Variants in IGSF11 observed in about 807,000 individuals in gnomAD.
IGSF11 encodes the protein immunoglobulin superfamily member 11.
A neutral mutation model predicts 41.0 loss-of-function variants in IGSF11; 22 were observed. The ratio of observed to expected loss-of-function variants is 0.54; its 90% CI spans 0.38 to 0.77. IGSF11 has a LOEUF of 0.77. Ranked by LOEUF, IGSF11 falls within the 30% of genes least tolerant of loss-of-function variation. IGSF11 has a pLI of 0.00. For missense variants in IGSF11, 444 were observed against 530.8 expected, an observed-to-expected ratio of 0.84 and a Z score of 1.61; for synonymous variants, 219 against 201.3, an observed-to-expected ratio of 1.09 and a Z score of -0.74.
At chr3:118,917,972 T>C (rs1223893181) in intron 4 of IGSF11, among the ~76,000 whole-genome samples, 66 of 133,890 alleles carry the variant, frequency 4.9e-4, no homozygotes, top group African/African-American at 2.0e-3. Context: ...TCAATAAATG[T>C]AATCCAGCAT....
intron 1 of IGSF11, among the ~76,000 whole-genome samples, chr3:119,117,229 A>G (rs750847562): frequency 2.6e-5 from 4 of 151,986 alleles, no homozygotes; most frequent in Admixed American, 2.0e-4. Context: ...TCTTGGTAAG[A>G]TGGGGGAGGG....
At chr3:119,011,357 G>T (rs778770540) in intron 1 of IGSF11, among the ~76,000 whole-genome samples, 1 of 152,298 alleles carries the variant, frequency 6.6e-6, no homozygotes, top group Middle Eastern at 3.4e-3. Flanking sequence ...GAGAGACCAA[G>T]AGAAGGAGAA....
intron 1 of IGSF11, among the ~76,000 whole-genome samples, chr3:119,045,437 G>T (rs11929539): frequency 6.6e-6 from 1 of 152,202 alleles, no homozygotes; most frequent in African/African-American, 2.4e-5. Context: ...CTTTTGCGAC[G>T]GGCTTAAAAA....
intron 1 of IGSF11, among the ~76,000 whole-genome samples, chr3:119,143,559 C>T (rs1000083181): frequency 5.9e-5 from 9 of 151,972 alleles, no homozygotes; most frequent in African/African-American, 2.2e-4. Context: ...AATGGAAGAA[C>T]TGAGGAACAG....
chr3:119,084,938 G>C (rs1254912264), intron 1 of IGSF11, among the ~76,000 whole-genome samples: 1 of 152,202 alleles, frequency 6.6e-6, no homozygotes, highest in Non-Finnish European at 1.5e-5. Context: ...AGCTGAGAGG[G>C]CTGAGTCACA....
intron 1 of IGSF11, among the ~76,000 whole-genome samples, chr3:119,024,999 A>T (rs1017875977): frequency 6.6e-6 from 1 of 152,226 alleles, no homozygotes; most frequent in African/African-American, 2.4e-5. Context: ...CAAAGTAAGT[A>T]GCAATCAATT....
intron 1 of IGSF11, among the ~76,000 whole-genome samples, chr3:119,000,997 A>G (rs1038581032): frequency 2.6e-5 from 4 of 152,110 alleles, no homozygotes; most frequent in Non-Finnish European, 5.9e-5. Flanking sequence ...TTCCTTGCCT[A>G]TTCTGACTGT....
chr3:119,089,679 G>A (rs971194661), intron 1 of IGSF11, among the ~76,000 whole-genome samples: 1 of 152,110 alleles, frequency 6.6e-6, no homozygotes, highest in African/African-American at 2.4e-5. Flanking sequence ...GGAAAACACT[G>A]AAGACTACCA....
At chr3:118,988,192 A>C (rs1310900581) in intron 1 of IGSF11, among the ~76,000 whole-genome samples, 1 of 152,222 alleles carries the variant, frequency 6.6e-6, no homozygotes, top group Non-Finnish European at 1.5e-5. Context: ...AAGCAAAGAG[A>C]ATGTCAATAT....
chr3:119,079,360 C>CAA (rs1386597758), intron 1 of IGSF11, among the ~76,000 whole-genome samples: 19 of 133,372 alleles, frequency 1.4e-4, no homozygotes, highest in African/African-American at 5.2e-4. Flanking sequence ...AACTCCGTCT[C>CAA]AAAAAAAAAA....
chr3:118,954,133 T>C (rs977292940), intron 1 of IGSF11, among the ~76,000 whole-genome samples: 4 of 152,166 alleles, frequency 2.6e-5, no homozygotes, highest in African/African-American at 9.6e-5. Flanking sequence ...TTGCCAATTA[T>C]CCCAGCACCT....
chr3:119,132,429 T>A (rs1160708790), intron 1 of IGSF11, among the ~76,000 whole-genome samples: 2 of 136,108 alleles, frequency 1.5e-5, no homozygotes, highest in Non-Finnish European at 3.1e-5. Flanking sequence ...GATCCTAGTC[T>A]CTGATAACAC....
At chr3:118,913,565 A>G (rs1940627385) in intron 4 of IGSF11, among the ~76,000 whole-genome samples, 1 of 152,242 alleles carries the variant, frequency 6.6e-6, no homozygotes. Flanking sequence ...AAACTGCATT[A>G]AAGAGTGTAG....
intron 1 of IGSF11, among the ~76,000 whole-genome samples, chr3:118,968,230 C>A (rs573572370): frequency 6.6e-6 from 1 of 152,096 alleles, no homozygotes; most frequent in African/African-American, 2.4e-5. Context: ...GGGAAACCAA[C>A]GCACGACTAG....
chr3:119,111,006 C>T (rs1039368959), intron 1 of IGSF11, among the ~76,000 whole-genome samples: 2 of 151,792 alleles, frequency 1.3e-5, no homozygotes, highest in African/African-American at 4.8e-5. Flanking sequence ...CGACCTTTTT[C>T]TCTGGCTGCC....
intron 1 of IGSF11, among the ~76,000 whole-genome samples, chr3:118,963,298 A>C (rs931752481): frequency 3.3e-5 from 5 of 152,238 alleles, no homozygotes; most frequent in Non-Finnish European, 7.3e-5. Flanking sequence ...TTCAAGGTCC[A>C]TTCTACCTCT....
chr3:119,105,633 CT>C (rs2107510771), upstream of IGSF11, among the ~76,000 whole-genome samples: 1 of 152,302 alleles, frequency 6.6e-6, no homozygotes, highest in East Asian at 1.9e-4. Context: ...AAAACTTCCT[CT>C]GACATAAATG....
chr3:118,933,342 G>C (rs191674012), intron 1 of IGSF11, among the ~76,000 whole-genome samples: 1 of 151,756 alleles, frequency 6.6e-6, no homozygotes, highest in Non-Finnish European at 1.5e-5. Flanking sequence ...TCATACAAGG[G>C]GTATGATGAG....
At position 119,064,779 on chromosome 3, in the gene IGSF11, A is replaced by T. The variant is rs1298796598; in HGVS notation, c.49+40365T>A. ...GCTCGTATGTGACATTCTTTGATGT[A>T]ATTATAAATAGTATTGTTTTTCAAA... is the stretch of plus-strand genomic sequence containing the variant. On this transcript the variant is annotated intron_variant, in intron 1 of 6. Coordinates refer to the IGSF11 transcript ENST00000354673. Among the ~76,000 whole-genome samples the T allele has an allele frequency of 3.9e-5, 6 of 152,188 alleles. No individual in the cohort carries two copies. The South Asian group carries it at 1.0e-3, about 26-fold the overall frequency.
Sources: allele counts gnomAD v4.1 joint callset (sites outside exome capture counted in the v4.1 genomes callset), GRCh38; gene constraint gnomAD v4.1.1; transcripts MANE v1.5; gene names NCBI Gene and HGNC (gene_info 2026-07-23, HGNC 2026-07-21).